Variants in AMBN observed in about 807,000 individuals in gnomAD.
AMBN encodes the protein enamel matrix protein.
In AMBN, 54 loss-of-function variants were observed where a neutral mutation model predicts 48.0. The observed-to-expected ratio is 1.12, with a 90% CI of 0.90 to 1.41. The LOEUF (loss-of-function observed/expected upper bound fraction) is 1.41, where lower values mean the gene tolerates loss of function less well. AMBN is among the 40% of genes most tolerant of loss of function. The pLI, the probability that AMBN is intolerant of heterozygous loss-of-function variation, is 0.00. For synonymous variants in AMBN, 186 were observed against 190.0 expected, an observed-to-expected ratio of 0.98 and a Z score of 0.17; for missense variants, 571 against 547.3, an observed-to-expected ratio of 1.04 and a Z score of -0.43.
chr4:70,598,299 A>C, intron 3 of AMBN, 57 bp from the exon 4 acceptor site: 1 of 1,210,126 alleles, frequency 8.3e-7, no homozygotes, highest in South Asian at 1.8e-5. Context: ...ATGAGAAATC[A>C]GTTGTGTCAA....
intron 12 of AMBN, 107 bp from the exon 13 acceptor site, chr4:70,606,078 C>A: frequency 7.6e-7 from 1 of 1,321,610 alleles, no homozygotes; most frequent in Non-Finnish European, 1.0e-6. Flanking sequence ...ACTTCCTATT[C>A]TCCACCAGTT....
rs199582898 is a variant in AMBN at position 70,596,964 on chromosome 4, C to G, written c.85-35C>G. The stretch of plus-strand genomic sequence containing the variant: ...ATGGGCATTGAAGGAAGTTTTGTAC[C>G]AATAAGACTCAAAATTATTCTTATT... On this transcript the variant is annotated intron_variant, in intron 2 of 12. Coordinates refer to ENST00000322937, the MANE Select transcript of AMBN (RefSeq NM_016519.6). The G allele has an allele frequency of 2.2e-5, 35 of 1,597,666 alleles. No individual in the cohort carries two copies. In the East Asian group the frequency reaches 7.2e-4, roughly 33 times the overall value.
intron 12 of AMBN, among the ~76,000 whole-genome samples, chr4:70,605,768 A>T (rs1041370341): frequency 7.2e-5 from 11 of 152,198 alleles, no homozygotes; most frequent in African/African-American, 2.7e-4. Flanking sequence ...AAGAAAAAAA[A>T]AGTACATGGA....
At position 70,606,891 on chromosome 4, in the gene AMBN, C is replaced by G; in HGVS notation, c.*161C>G. The G allele has an allele frequency of 2.7e-6, 2 of 737,864 alleles. No individual in the cohort carries two copies. The highest frequency in any genetic ancestry group is 4.3e-6 in the Non-Finnish European group (2 of 469,414). The allele number at this position is 737,864 out of a possible 1,614,324, so 45.7% of individuals were successfully genotyped here. A position where few individuals can be genotyped will look rare whatever the true frequency, so the allele number is the denominator to read the frequency against. On this transcript the variant is annotated 3_prime_UTR_variant, in exon 13 of 13. Transcript: ENST00000322937. ...CAAGTGGCTAGAAATAGTGTAGGTC[C>G]CCTTCTTGCTTTCAATATCTTGTTG...
At chr4:70,597,317 C>T in intron 3 of AMBN, among the ~76,000 whole-genome samples, 1 of 152,168 alleles carries the variant, frequency 6.6e-6, no homozygotes, top group South Asian at 2.1e-4. Flanking sequence ...ATAATATGCA[C>T]ATTAATAAAA....
chr4:70,604,530 A>T (rs1439256533), intron 12 of AMBN, among the ~76,000 whole-genome samples: 4 of 152,228 alleles, frequency 2.6e-5, no homozygotes, highest in African/African-American at 9.6e-5. Context: ...ACAAGGCAAG[A>T]CAAAACAAAA....
At position 70,603,883 on chromosome 4, in the gene AMBN, C is replaced by T; in HGVS notation, c.760C>T (p.Pro254Ser). 1 of 1,613,838 alleles carries T rather than the reference C, an allele frequency of 6.2e-7. No homozygotes were observed. The highest frequency in any genetic ancestry group is 8.5e-7 in the Non-Finnish European group (1 of 1,179,906). ...VPFGANQLNA[P>S]ARLGIMSSEE... Reference sequence around the variant, plus strand: ...AATATTTCTTTTTGAACAGAATGCCCCTGCCAGACTTGGCATCATGAGTTC... The same window carrying T: ...AATATTTCTTTTTGAACAGAATGCCTCTGCCAGACTTGGCATCATGAGTTC... Residue 254 changes from proline (P) to serine (S), a missense_variant, in exon 12 of 13, where the codon CCT (proline) becomes TCT (serine). Pro to Ser is a moderately conservative substitution (Grantham distance 74). Transcript: ENST00000322937.
chr4:70,603,649 C>T (rs1269925218), intron 11 of AMBN, among the ~76,000 whole-genome samples, 189 bp downstream of exon 11: 8 of 151,274 alleles, frequency 5.3e-5, no homozygotes, highest in South Asian at 2.1e-4. Flanking sequence ...CACACACACA[C>T]GCACACGCAC....
chr4:70,595,530 A>C (rs1292919628), intron 2 of AMBN, among the ~76,000 whole-genome samples: 1 of 152,090 alleles, frequency 6.6e-6, no homozygotes, highest in Non-Finnish European at 1.5e-5. Flanking sequence ...AGAAATTCTC[A>C]CTATGACCCA....
chr4:70,599,480 C>A, intron 4 of AMBN, 56 bp from the exon 5 acceptor site: 3 of 1,262,568 alleles, frequency 2.4e-6, no homozygotes, highest in South Asian at 1.4e-5. Context: ...CAAATATAAC[C>A]AATGTTATAT....
intron 2 of AMBN, among the ~76,000 whole-genome samples, chr4:70,593,957 C>G (rs1476456239): frequency 6.6e-6 from 1 of 151,750 alleles, no homozygotes; most frequent in Admixed American, 6.6e-5. Context: ...TCTTATTCCA[C>G]TCATTCAAAG....
intron 8 of AMBN, 67 bp downstream of exon 8, chr4:70,602,903 T>C (rs1199347825): frequency 2.6e-6 from 4 of 1,534,094 alleles, no homozygotes; most frequent in East Asian, 4.5e-5. Flanking sequence ...ACTTTGTCTA[T>C]CTTTTATTTG....
chr4:70,601,634 G>C lies in AMBN; in HGVS notation c.511G>C (p.Asp171His), dbSNP rs745938371. Residue 171 changes from aspartate to histidine, a missense_variant, in exon 6 of 13, where the codon GAT becomes CAT. Transcript: ENST00000322937. ...GGTTCAGCAGCAGGTGGCACCATCA[G>C]ATAAGCCACCAAAGCCTGAGGTACT... ...PLVQQQVAPS[D>H]KPPKPELPGV... 2 of 1,613,966 alleles carry C rather than the reference G, an allele frequency of 1.2e-6. No individual in the cohort carries two copies. Among genetic ancestry groups the C allele is most frequent in the Non-Finnish European group, 1.7e-6 (2 of 1,179,970 alleles).
At position 70,602,977 on chromosome 4, in the gene AMBN, A is replaced by T; in HGVS notation, c.615A>T (p.Pro205=). ...AATATTTATCTGTAATATAGCTCCCAGGATTGGATTTTGCTGATCCACAAG... is the reference window on the plus strand; with the variant it reads ...AATATTTATCTGTAATATAGCTCCCTGGATTGGATTTTGCTGATCCACAAG... ...DFPDPQGPSL[P]GLDFADPQGS... Residue 205 remains proline, a synonymous_variant, in exon 9 of 13, where the codon CCA becomes CCT. Coordinates refer to ENST00000322937, the MANE Select transcript of AMBN (RefSeq NM_016519.6). The T allele has an allele frequency of 6.2e-7, 1 of 1,604,890 alleles. No homozygotes were observed. The highest frequency in any genetic ancestry group is 2.2e-5 in the East Asian group (1 of 44,716).
At position 70,593,465 on chromosome 4, in the gene AMBN, A is replaced by G. The variant is rs1227883482; in HGVS notation, c.84+70A>G. 9 of 1,317,296 alleles carry G rather than the reference A, an allele frequency of 6.8e-6. No individual in the cohort carries two copies. In the African/African-American group the frequency reaches 8.7e-5, roughly 13 times the overall value. 81.6% of individuals were successfully genotyped at this position (1,317,296 alleles called of 1,614,324 possible). A position where few individuals can be genotyped will look rare whatever the true frequency, so the allele number is the denominator to read the frequency against. On this transcript the variant is annotated intron_variant, in intron 2 of 12. Transcript: ENST00000322937. ...TCGAACTCCAAACAACACTGAAGGGATATGGACTGAGAGTCCACGCATAGA... is the reference window on the plus strand; with the variant it reads ...TCGAACTCCAAACAACACTGAAGGGGTATGGACTGAGAGTCCACGCATAGA...
Position 70,602,846 on chromosome 4 carries a change from G to A in AMBN, c.609+10G>A. The A allele has an allele frequency of 6.3e-7, 1 of 1,586,018 alleles. No homozygotes were observed. The highest frequency in any genetic ancestry group is 8.6e-7 in the Non-Finnish European group (1 of 1,163,772). On this transcript the variant is annotated intron_variant, in intron 8 of 12. Coordinates refer to ENST00000322937, the MANE Select transcript of AMBN (RefSeq NM_016519.6). ...TCCACAAGGTCCATCAGTAAGTACA[G>A]ATCTCAGTGAGACACTTCTATTTTT...
chr4:70,597,699 C>G (rs1262842416), intron 3 of AMBN, among the ~76,000 whole-genome samples: 1 of 152,048 alleles, frequency 6.6e-6, no homozygotes, highest in Non-Finnish European at 1.5e-5. Flanking sequence ...TGGGGGCAGT[C>G]AATACCTATT....
intron 5 of AMBN, among the ~76,000 whole-genome samples, chr4:70,600,960 T>C (rs1737507145): frequency 6.6e-6 from 1 of 152,194 alleles, no homozygotes; most frequent in Non-Finnish European, 1.5e-5. Flanking sequence ...GAAAAATATA[T>C]TAGGCACCCA....
rs781187635 is a variant in AMBN, at chr4:70,601,628, C to T, written c.505C>T (p.Pro169Ser). The T allele has an allele frequency of 4.3e-6, 7 of 1,614,012 alleles. No homozygotes were observed. The African/African-American group carries it at 8.0e-5, about 18-fold the overall frequency. Residue 169 changes from proline (P) to serine (S), a missense_variant, in exon 6 of 13, where the codon CCA becomes TCA. By Grantham distance (74) the Pro-to-Ser change is moderately conservative (BLOSUM62 -1). Coordinates refer to ENST00000322937, the MANE Select transcript of AMBN (RefSeq NM_016519.6). ...ELPLVQQQVA[P>S]SDKPPKPELP... ...GCCTCTGGTTCAGCAGCAGGTGGCA[C>T]CATCAGATAAGCCACCAAAGCCTGA...
Sources: allele counts gnomAD v4.1 joint callset (sites outside exome capture counted in the v4.1 genomes callset), GRCh38; gene constraint gnomAD v4.1.1; transcripts MANE v1.5; gene names NCBI Gene and HGNC (gene_info 2026-07-23, HGNC 2026-07-21).